Variants in SMARCA2 observed in about 807,000 individuals in gnomAD.
SMARCA2 encodes the protein SWI/SNF related BAF chromatin remodeling complex subunit ATPase 2.
Under a neutral mutation model 199.8 loss-of-function variants are expected in SMARCA2, and 61 were observed. That is an observed-to-expected ratio of 0.31 (90% confidence interval 0.25 to 0.38). The LOEUF (loss-of-function observed/expected upper bound fraction) is 0.38, where lower values mean the gene tolerates loss of function less well. SMARCA2 is among the 10% of genes least tolerant of loss of function. SMARCA2 has a pLI of 1.00. For missense variants in SMARCA2, 1,344 were observed against 2,012.2 expected (o/e 0.67, Z 6.35); for synonymous variants, 935 against 732.0 (o/e 1.28, Z -4.48).
Position 2,033,024 on chromosome 9 carries a change from C to T in SMARCA2, c.298C>T (p.Arg100Ter), listed in dbSNP as rs1225541640. ...TGGATCCATGAAGGGCACTGGTATGCGACCACCTCACCCAGGCATGGGCCC... is the reference window on the plus strand; with the variant it reads ...TGGATCCATGAAGGGCACTGGTATGTGACCACCTCACCCAGGCATGGGCCC... ...HCGSMKGTGM[R>*]PPHPGMGPPQ... Residue 100 changes from arginine to a stop codon, truncating the protein, a stop_gained, in exon 3 of 34, where the codon CGA becomes TGA. Transcript: ENST00000349721. LOFTEE classifies it high-confidence loss of function. The T allele has an allele frequency of 6.2e-7, 1 of 1,613,826 alleles. No individual in the cohort carries two copies. Among genetic ancestry groups the T allele is most frequent in the African/African-American group, 1.3e-5 (1 of 74,922 alleles).
Position 2,123,678 on chromosome 9 carries a change from G to A in SMARCA2, c.3763-41G>A, listed in dbSNP as rs770816298. On this transcript the variant is annotated intron_variant, in intron 26 of 33. Coordinates refer to ENST00000349721, the MANE Select transcript of SMARCA2 (RefSeq NM_003070.5). This position sits in a 1 kb window ranked among gnomAD's most constrained non-coding sequence, Gnocchi z 4.1. ...AGTGCTGGGAAGTCTGCACCATACA[G>A]AAGCCCTGACTTTCGGTGACCCTCT... 12 of 1,571,352 alleles carry A rather than the reference G, an allele frequency of 7.6e-6. No individual in the cohort carries two copies. In the South Asian group the frequency reaches 9.0e-5, roughly 12 times the overall value.
At position 2,187,255 on chromosome 9, in the gene SMARCA2, A is replaced by G. The variant is rs567618523; in HGVS notation, c.4594+1027A>G. On this transcript the variant is annotated intron_variant, in intron 32 of 33. Transcript: ENST00000349721. ...TTACCTTTTAGGATATTAGTTGATGACTGGGTTTTGGTGCCCCCTTAAATT... is the reference window on the plus strand; with the variant it reads ...TTACCTTTTAGGATATTAGTTGATGGCTGGGTTTTGGTGCCCCCTTAAATT... Among the ~76,000 whole-genome samples, 10 of 152,146 alleles carry G rather than the reference A, an allele frequency of 6.6e-5. No individual in the cohort carries two copies. The South Asian group carries it at 2.1e-3, about 32-fold the overall frequency.
intron 27 of SMARCA2, among the ~76,000 whole-genome samples, chr9:2,134,074 G>C (rs950278946): frequency 6.6e-6 from 1 of 152,116 alleles, no homozygotes; most frequent in African/African-American, 2.4e-5. Flanking sequence ...TCAGAAATAC[G>C]TATTAGCTAT....
chr9:2,185,950 T>A, intron 31 of SMARCA2, 146 bp from the exon 32 acceptor site: 1 of 745,654 alleles, frequency 1.3e-6, no homozygotes, highest in Non-Finnish European at 2.2e-6. Context: ...GGCGTTTTGC[T>A]ACTGGGTTTT....
chr9:2,182,855 A>T (rs1232642234), intron 31 of SMARCA2, among the ~76,000 whole-genome samples: 1 of 150,860 alleles, frequency 6.6e-6, no homozygotes, highest in Admixed American at 6.6e-5. Context: ...CAGTGGCATG[A>T]TCTCGGCTCA....
At chr9:2,037,289 C>G (rs188816868) in intron 3 of SMARCA2, among the ~76,000 whole-genome samples, 1 of 152,330 alleles carries the variant, frequency 6.6e-6, no homozygotes, top group East Asian at 1.9e-4. Context: ...GCTAGTCTTG[C>G]AAGCTTTCAA....
chr9:2,186,657 C>G (rs915217397), intron 32 of SMARCA2, among the ~76,000 whole-genome samples: 65 of 152,104 alleles, frequency 4.3e-4, no homozygotes. Flanking sequence ...TCCCGAGTAG[C>G]TGGAATTACA....
At chr9:2,177,848 G>T (rs537023964) in intron 29 of SMARCA2, among the ~76,000 whole-genome samples, 2 of 152,164 alleles carry the variant, frequency 1.3e-5, no homozygotes, top group Non-Finnish European at 2.9e-5. Context: ...CACCGTGCCC[G>T]GCCAGAGGTA....
At position 2,017,618 on chromosome 9, in the gene SMARCA2, C is replaced by G. The variant is rs1229348573; in HGVS notation, c.-37+2214C>G. ...ACAGCAGCGAAGCGCACACAGCACA[C>G]AGACATGTTTGATTGCCGTGACATG... On this transcript the variant is annotated intron_variant, in intron 1 of 33. Transcript: ENST00000349721. The surrounding 1 kb of genome is among the most constrained non-coding windows in gnomAD (Gnocchi z 8.8). The G allele has an allele frequency of 6.6e-6, 1 of 152,290 alleles. No homozygotes were observed. Among genetic ancestry groups the G allele is most frequent in the South Asian group, 2.1e-4 (1 of 4,842 alleles). 9.4% of individuals were successfully genotyped at this position (152,290 alleles called of 1,614,324 possible).
rs1241903278 is a variant in SMARCA2, at chr9:2,169,924, T to G, written c.4200-495T>G. Among the ~76,000 whole-genome samples, 1 of 152,210 alleles carries G rather than the reference T, an allele frequency of 6.6e-6. No homozygotes were observed. The highest frequency in any genetic ancestry group is 2.4e-5 in the African/African-American group (1 of 41,450). On this transcript the variant is annotated intron_variant, in intron 28 of 33. Coordinates refer to ENST00000349721, the MANE Select transcript of SMARCA2 (RefSeq NM_003070.5). This position sits in a 1 kb window ranked among gnomAD's most constrained non-coding sequence, Gnocchi z 6.5. ...AGCAGAGCTGACTAGTTAGATGGTG[T>G]TCAGACCCAAATTGGCTGATGCTTG...
chr9:2,153,339 C>T (rs1165095738), intron 27 of SMARCA2, among the ~76,000 whole-genome samples: 2 of 152,120 alleles, frequency 1.3e-5, no homozygotes, highest in East Asian at 3.9e-4. Flanking sequence ...GAGTTCAAGA[C>T]AAGTGTAAGC....
intron 27 of SMARCA2, among the ~76,000 whole-genome samples, chr9:2,133,915 G>A (rs1030941644): frequency 6.6e-6 from 1 of 152,062 alleles, no homozygotes. Context: ...TTCAGATTCC[G>A]GTTCCATCTA....
At chr9:2,106,421 C>G (rs1442878536) in intron 23 of SMARCA2, among the ~76,000 whole-genome samples, 1 of 152,168 alleles carries the variant, frequency 6.6e-6, no homozygotes. Flanking sequence ...GAGTCCTTAC[C>G]ATTAGGTGGA....
At position 2,058,371 on chromosome 9, in the gene SMARCA2, C is replaced by G. The variant is rs768798608; in HGVS notation, c.1428C>G (p.Leu476=). Residue 476 remains leucine, a synonymous_variant, in exon 8 of 34, where the codon CTC becomes CTG. Coordinates refer to ENST00000349721, the MANE Select transcript of SMARCA2 (RefSeq NM_003070.5). ...CTGTGGCCGGAAAGATCCAGAAGCT[C>G]TCCAAAGCAGTGGCAACTTGGCATG... ...HRSVAGKIQK[L]SKAVATWHAN... 5.0e-5 allele frequency: 81 copies of G among 1,614,044 alleles called. No individual in the cohort carries two copies. In the Admixed American group the frequency reaches 1.3e-3, roughly 25 times the overall value.
intron 22 of SMARCA2, 52 bp from the exon 23 acceptor site, chr9:2,103,951 A>T: frequency 1.3e-6 from 2 of 1,550,452 alleles, no homozygotes; most frequent in South Asian, 1.1e-5. Flanking sequence ...TGGATTTTTT[A>T]AGAAGACAGA....
At chr9:2,034,896 A>G (rs915647661) in intron 3 of SMARCA2, among the ~76,000 whole-genome samples, 2 of 152,216 alleles carry the variant, frequency 1.3e-5, no homozygotes, top group Non-Finnish European at 2.9e-5. Flanking sequence ...TTTTTGCAGT[A>G]CAAGAAGAAC....
rs571166710 is a variant in SMARCA2 at position 2,035,397 on chromosome 9, C to T, written c.355+2316C>T. On this transcript the variant is annotated intron_variant, in intron 3 of 33. Transcript: ENST00000349721. Reference sequence around the variant, plus strand: ...TATAGATGAGTAACGTTTAGTGATTCTTGAAGCCAGGTGCTTACTTTTTCT... The same window carrying T: ...TATAGATGAGTAACGTTTAGTGATTTTTGAAGCCAGGTGCTTACTTTTTCT... Among the ~76,000 whole-genome samples, 133 of 152,236 alleles carry T rather than the reference C, an allele frequency of 8.7e-4. 1 individual carries two copies. The highest frequency in any genetic ancestry group is 3.0e-3 in the African/African-American group (126 of 41,536).
At chr9:2,018,486 TTGTATG>T (rs1287690546) in intron 1 of SMARCA2, among the ~76,000 whole-genome samples, 1 of 152,246 alleles carries the variant, frequency 6.6e-6, no homozygotes, top group East Asian at 1.9e-4. Context: ...ATGTATGACT[TTGTATG>T]TGTACTGTTA....
At chr9:2,142,024 G>A (rs952457961) in intron 27 of SMARCA2, among the ~76,000 whole-genome samples, 1 of 152,114 alleles carries the variant, frequency 6.6e-6, no homozygotes, top group African/African-American at 2.4e-5. Context: ...TACAGTAGGG[G>A]CCCCTTAGTG....
Sources: allele counts gnomAD v4.1 joint callset (sites outside exome capture counted in the v4.1 genomes callset), GRCh38; gene constraint gnomAD v4.1.1; non-coding constraint Gnocchi (gnomAD v3.1); transcripts MANE v1.5; gene names NCBI Gene and HGNC (gene_info 2026-07-23, HGNC 2026-07-21).